The following PDE3A variants were observed in gnomAD, a reference collection of about 807,000 sequenced individuals.
PDE3A encodes cGMP-inhibited 3',5'-cyclic phosphodiesterase 3A.
A neutral mutation model predicts 98.3 loss-of-function variants in PDE3A; 43 were observed. The ratio of observed to expected loss-of-function variants is 0.44; its 90% CI spans 0.34 to 0.56. The LOEUF is 0.56. PDE3A is among the 20% of genes least tolerant of loss of function. PDE3A has a pLI of 0.01. For synonymous variants in PDE3A, 663 were observed against 567.9 expected, an observed-to-expected ratio of 1.17 and a Z score of -2.38; for missense variants, 1,427 against 1,440.7, an observed-to-expected ratio of 0.99 and a Z score of 0.15.
At chr12:20,498,151 T>C (rs997498788) in intron 1 of PDE3A, among the ~76,000 whole-genome samples, 5 of 152,198 alleles carry the variant, frequency 3.3e-5, no homozygotes, top group Admixed American at 3.3e-4. Flanking sequence ...ATCTCTGTTA[T>C]GTAAACTGGT....
chr12:20,413,574 A>T (rs1195639905), intron 1 of PDE3A, among the ~76,000 whole-genome samples: 1 of 152,186 alleles, frequency 6.6e-6, no homozygotes, highest in Non-Finnish European at 1.5e-5. Flanking sequence ...CATTGGTGGA[A>T]CAGAGAGCAT....
intron 7 of PDE3A, 125 bp from the exon 8 acceptor site, chr12:20,634,766 ATGTTCTTGGAG>A: frequency 1.5e-6 from 1 of 658,058 alleles, no homozygotes; most frequent in Non-Finnish European, 2.7e-6. Flanking sequence ...CTATGATCCT[ATGTTCTTGGAG>A]TGCTCAGGAA....
At chr12:20,575,762 AT>A (rs201567329) in intron 2 of PDE3A, among the ~76,000 whole-genome samples, 6 of 150,424 alleles carry the variant, frequency 4.0e-5, no homozygotes, top group East Asian at 1.9e-4. Context: ...TCATCCTCCT[AT>A]TTTTTTTTAA....
chr12:20,386,949 A>G (rs1030383113), intron 1 of PDE3A, among the ~76,000 whole-genome samples: 5 of 151,338 alleles, frequency 3.3e-5, no homozygotes, highest in African/African-American at 1.2e-4. Flanking sequence ...TAATTTTTGT[A>G]TAAGTTATAA....
intron 10 of PDE3A, among the ~76,000 whole-genome samples, chr12:20,644,611 T>C (rs1944727724): frequency 6.6e-6 from 1 of 152,080 alleles, no homozygotes; most frequent in African/African-American, 2.4e-5. Flanking sequence ...AGACATAAAA[T>C]ATGATCGTAA....
chr12:20,575,101 T>C (rs374196885), intron 2 of PDE3A, among the ~76,000 whole-genome samples: 359 of 152,128 alleles, frequency 2.4e-3, no homozygotes, highest in Non-Finnish European at 4.2e-3. Context: ...TTCAAGTAAT[T>C]TATGAGGAGG....
intron 1 of PDE3A, among the ~76,000 whole-genome samples, chr12:20,463,898 CTT>C (rs1945296834): frequency 6.6e-6 from 1 of 151,984 alleles, no homozygotes; most frequent in African/African-American, 2.4e-5. Context: ...GTGTGTAATT[CTT>C]GTTTTAGACT....
chr12:20,538,682 G>A (rs1216301014), intron 1 of PDE3A, among the ~76,000 whole-genome samples: 2 of 152,130 alleles, frequency 1.3e-5, no homozygotes, highest in Non-Finnish European at 2.9e-5. Flanking sequence ...TTTACTACTT[G>A]TGTATTCAAC....
intron 2 of PDE3A, chr12:20,556,923 C>G (rs1239316375): frequency 1.7e-6 from 1 of 600,228 alleles, no homozygotes; most frequent in East Asian, 2.9e-5. Context: ...TTCTGGTATC[C>G]CAGATTGGTT....
intron 1 of PDE3A, among the ~76,000 whole-genome samples, chr12:20,481,764 A>ATTT (rs10657239): frequency 0.27 from 20,698 of 77,732 alleles, 4,900 homozygotes; most frequent in East Asian, 0.62. Flanking sequence ...TGGGAAATAG[A>ATTT]TTTTTTTTTT....
chr12:20,545,839 G>A (rs1851997549), intron 1 of PDE3A, among the ~76,000 whole-genome samples: 1 of 151,840 alleles, frequency 6.6e-6, no homozygotes, highest in South Asian at 2.1e-4. Context: ...AAGTTTTGTG[G>A]AGAGATATCG....
chr12:20,590,228 A>C (rs1201883730), intron 2 of PDE3A, among the ~76,000 whole-genome samples: 1 of 151,828 alleles, frequency 6.6e-6, no homozygotes, highest in Non-Finnish European at 1.5e-5. Flanking sequence ...TTTCATTCTG[A>C]TTTCTCTTTC....
chr12:20,526,888 G>C (rs1232391084), intron 1 of PDE3A, among the ~76,000 whole-genome samples: 7 of 14,394 alleles, frequency 4.9e-4, no homozygotes, highest in Admixed American at 2.2e-3. Context: ...TTTTTTCTGT[G>C]TGTGTGTGTG....
At chr12:20,479,002 T>C (rs887080943) in intron 1 of PDE3A, among the ~76,000 whole-genome samples, 1 of 152,202 alleles carries the variant, frequency 6.6e-6, no homozygotes, top group Non-Finnish European at 1.5e-5. Context: ...GTGACATTTT[T>C]CAACATTTAT....
intron 2 of PDE3A, among the ~76,000 whole-genome samples, chr12:20,572,485 T>A (rs1302986909): frequency 6.6e-6 from 1 of 152,048 alleles, no homozygotes; most frequent in Admixed American, 6.6e-5. Context: ...AAACCAGATC[T>A]TTCCATCTCA....
rs1354670071 is a variant in PDE3A at position 20,489,853 on chromosome 12, CAT to C, written c.961-66806_961-66805del. 9.9e-5 allele frequency among the ~76,000 whole-genome samples: 15 copies of C among 152,252 alleles called. No individual in the cohort carries two copies. In the East Asian group the frequency reaches 1.7e-3, roughly 18 times the overall value. On this transcript the variant is annotated intron_variant, in intron 1 of 15. Coordinates refer to ENST00000359062, the MANE Select transcript of PDE3A (RefSeq NM_000921.5). ...TAATGAATGACCTGAATTTTTCCCACATGTTTGCTCAGGAAACACAGGGCTGT... is the reference window on the plus strand; with the variant it reads ...TAATGAATGACCTGAATTTTTCCCACGTTTGCTCAGGAAACACAGGGCTGT...
At chr12:20,516,488 AC>A (rs1946325655) in intron 1 of PDE3A, among the ~76,000 whole-genome samples, 1 of 152,214 alleles carries the variant, frequency 6.6e-6, no homozygotes, top group Non-Finnish European at 1.5e-5. Flanking sequence ...CATAGTCATT[AC>A]CTGGCATGTA....
chr12:20,667,639 A>G (rs893930177), intron 15 of PDE3A, among the ~76,000 whole-genome samples: 1 of 152,170 alleles, frequency 6.6e-6, no homozygotes, highest in Non-Finnish European at 1.5e-5. Flanking sequence ...GTCCATTTAT[A>G]TACTAACACC....
At chr12:20,496,833 A>G (rs1028400402) in intron 1 of PDE3A, among the ~76,000 whole-genome samples, 1 of 152,208 alleles carries the variant, frequency 6.6e-6, no homozygotes, top group African/African-American at 2.4e-5. Context: ...TTTAAAATAT[A>G]GGACAAATAA....
Sources: gnomAD v4.1 joint callset for allele counts (sites outside exome capture counted in the v4.1 genomes callset) on GRCh38, gnomAD v4.1.1 for gene constraint, MANE v1.5 for transcripts, NCBI Gene and HGNC (gene_info 2026-07-23, HGNC 2026-07-21) for gene names.